ZHX3: variants seen among roughly 807,000 people sequenced by gnomAD.
ZHX3 encodes zinc fingers and homeoboxes protein 3.
ZHX3 carries 20 observed loss-of-function variants against 64.5 expected under a neutral mutation model. The observed-to-expected ratio is 0.31, with a 90% confidence interval of 0.22 to 0.45. The LOEUF (loss-of-function observed/expected upper bound fraction) is 0.45, where lower values mean the gene tolerates loss of function less well. Among genes scored for constraint, ZHX3 ranks in the 20% least tolerant of loss-of-function variants. ZHX3 has a pLI of 1.00. For missense variants in ZHX3, 1,041 were observed against 1,195.8 expected (o/e 0.87, Z 1.91); for synonymous variants, 423 against 461.6 (o/e 0.92, Z 1.07).
At chr20:41,188,152 T>A (rs1324234946) in intron 3 of ZHX3, among the ~76,000 whole-genome samples, 2 of 152,200 alleles carry the variant, frequency 1.3e-5, no homozygotes, top group Non-Finnish European at 2.9e-5. Flanking sequence ...AGCTGCCACA[T>A]ATGAGTAAGA....
At chr20:41,315,965 G>A (rs540094034) in intron 1 of ZHX3, among the ~76,000 whole-genome samples, 1 of 148,994 alleles carries the variant, frequency 6.7e-6, no homozygotes, top group African/African-American at 2.5e-5. Flanking sequence ...AAAGAAAAAA[G>A]CACTCCACCA....
intron 2 of ZHX3, among the ~76,000 whole-genome samples, chr20:41,260,477 A>C (rs2146561919): frequency 6.6e-6 from 1 of 152,294 alleles, no homozygotes; most frequent in South Asian, 2.1e-4. Context: ...TCCAGATGTC[A>C]CTTCTGGACC....
In ZHX3 at chr20:41,181,433, A is replaced by G. The variant is rs1239087708; in HGVS notation, c.*3758T>C. On this transcript the variant is annotated 3_prime_UTR_variant, in exon 4 of 4. Transcript: ENST00000683867. The stretch of plus-strand genomic sequence containing the variant: ...AATCCTAAACGAGGTTTGGTTTTAA[A>G]ATTTTCTTCTTGGCTGGCTCTCCTC... The G allele has an allele frequency of 6.6e-6, 1 of 152,198 alleles. No homozygotes were observed. The highest frequency in any genetic ancestry group is 1.5e-5 in the Non-Finnish European group (1 of 68,046). 9.4% of individuals were successfully genotyped at this position (152,198 alleles called of 1,614,324 possible). A position where few individuals can be genotyped will look rare whatever the true frequency, so the allele number is the denominator to read the frequency against.
rs201059065 is a variant in ZHX3 at position 41,202,687 on chromosome 20, G to A, written c.2230C>T (p.Pro744Ser). 2.5e-6 allele frequency: 4 copies of A among 1,614,116 alleles called. No individual in the cohort carries two copies. Among genetic ancestry groups the A allele is most frequent in the Non-Finnish European group, 3.4e-6 (4 of 1,180,026 alleles). The change falls in exon 3 of 4, where the codon CCA becomes TCA. Residue 744 changes from proline (P) to serine (S), a missense_variant. By Grantham distance (74) the Pro-to-Ser change is moderately conservative. Transcript: ENST00000683867. This position sits in a 1 kb window ranked among gnomAD's most constrained non-coding sequence, Gnocchi z 7.0. ...TCAGGGTCACAGGCACCCAGCCCTGGAATCTCGTTCCTGCCATTGGCTTCA... is the reference window on the plus strand; with the variant it reads ...TCAGGGTCACAGGCACCCAGCCCTGAAATCTCGTTCCTGCCATTGGCTTCA... The part of the protein sequence containing the change: ...VTEANGRNEI[P>S]GLGACDPEDD...
chr20:41,299,536 A>G (rs928294021), intron 1 of ZHX3, among the ~76,000 whole-genome samples: 1 of 152,202 alleles, frequency 6.6e-6, no homozygotes, highest in African/African-American at 2.4e-5. Context: ...AGACAAAAAG[A>G]AAAAATTCAA....
rs757327762 is a variant in ZHX3 at position 41,202,255 on chromosome 20, C to G, written c.2662G>C (p.Gly888Arg). The change falls in exon 3 of 4, where the codon GGG becomes CGG. Residue 888 changes from glycine (G) to arginine (R), a missense_variant. Physicochemically the swap from Gly to Arg is moderately radical, Grantham distance 125 (BLOSUM62 -2). Coordinates refer to ENST00000683867, the MANE Select transcript of ZHX3 (RefSeq NM_001384317.1). This position sits in a 1 kb window ranked among gnomAD's most constrained non-coding sequence, Gnocchi z 7.0. ...TCTGCCACGGCTCTGGTCTCCTCCC[C>G]CATTTTCTCAGCAAACCACTGCTTG... is the stretch of plus-strand genomic sequence containing the variant. ...QVKQWFAEKM[G>R]EETRAVADTG... is the part of the protein sequence containing the mutation. 11 of 1,614,048 alleles carry G rather than the reference C, an allele frequency of 6.8e-6. No homozygotes were observed. The East Asian group carries it at 1.6e-4, about 23-fold the overall frequency.
Position 41,187,229 on chromosome 20 carries a change from G to A in ZHX3, c.2861-2028C>T, listed in dbSNP as rs570775345. ...ACTTGTAATCCTAGCTACTCAGGAG[G>A]CTAAGGTGGGATGACTGCTTGAGCC... On this transcript the variant is annotated intron_variant, in intron 3 of 3. Transcript: ENST00000683867. Among the ~76,000 whole-genome samples, 72 of 150,864 alleles carry A rather than the reference G, an allele frequency of 4.8e-4. No individual in the cohort carries two copies. In the South Asian group the frequency reaches 6.1e-3, roughly 13 times the overall value.
intron 1 of ZHX3, among the ~76,000 whole-genome samples, chr20:41,282,106 A>G (rs184026354): frequency 2.1e-4 from 32 of 152,216 alleles, no homozygotes; most frequent in Middle Eastern, 3.4e-3. Context: ...GATGTCATTT[A>G]CCCCAAGATG....
chr20:41,240,189 G>A (rs2146442970), intron 2 of ZHX3, among the ~76,000 whole-genome samples: 1 of 152,142 alleles, frequency 6.6e-6, no homozygotes, highest in African/African-American at 2.4e-5. Context: ...AGTAGAGATG[G>A]GGGGTTTTGC....
In ZHX3 at chr20:41,185,198, G is replaced by C. The variant is rs1220899146; in HGVS notation, c.2864C>G (p.Thr955Arg). The C allele has an allele frequency of 1.2e-6, 2 of 1,607,384 alleles. No individual in the cohort carries two copies. The highest frequency in any genetic ancestry group is 1.3e-5 in the African/African-American group (1 of 74,926). The stretch of plus-strand genomic sequence containing the variant: ...ACATTAATCAGATCAAATTCAGTCT[G>C]TTTCTGAGAAGAAAACACATGCCTG... ...SSPQAGRQLE[T>R]D The change falls in exon 4 of 4, where the codon ACA becomes AGA. Residue 955 changes from threonine (T) to arginine (R), a missense_variant. Thr to Arg is a moderately conservative substitution (Grantham distance 71). This residue lies in a region of ZHX3 where 649 missense variants were observed against 739.8 expected (regional missense o/e 0.88). Coordinates refer to ENST00000683867, the MANE Select transcript of ZHX3 (RefSeq NM_001384317.1). The surrounding 1 kb of genome is among the most constrained non-coding windows in gnomAD (Gnocchi z 5.0).
chr20:41,198,584 A>C (rs1244691841), intron 3 of ZHX3, among the ~76,000 whole-genome samples: 1 of 151,848 alleles, frequency 6.6e-6, no homozygotes. Context: ...CTTGTCAAAA[A>C]TTCTGTGTGA....
Position 41,237,086 on chromosome 20 carries a change from T to G in ZHX3, c.-151+31904A>C, listed in dbSNP as rs376775434. ...AGATACCATCTCACACCAGTTAGAA[T>G]GGCAATCATTAAAAAGTCAGGAAAC... On this transcript the variant is annotated intron_variant, in intron 2 of 3. Transcript: ENST00000683867. Among the ~76,000 whole-genome samples the G allele has an allele frequency of 5.0e-4, 76 of 152,280 alleles. 1 individual carries two copies. The highest frequency in any genetic ancestry group is 4.8e-3 in the East Asian group (25 of 5,190).
rs1382705459 is a variant in ZHX3, at chr20:41,212,054, T to G, written c.-150-6988A>C. Among the ~76,000 whole-genome samples the G allele has an allele frequency of 6.6e-6, 1 of 152,084 alleles. No homozygotes were observed. The highest frequency in any genetic ancestry group is 6.6e-5 in the Admixed American group (1 of 15,264). On this transcript the variant is annotated intron_variant, in intron 2 of 3. Transcript: ENST00000683867. This position sits in a 1 kb window ranked among gnomAD's most constrained non-coding sequence, Gnocchi z 4.3. ...GAAAAAACAGATAAATTGGATGTCATCAAAATTAAAAACTTGCATTCTTCA... is the reference window on the plus strand; with the variant it reads ...GAAAAAACAGATAAATTGGATGTCAGCAAAATTAAAAACTTGCATTCTTCA...
At chr20:41,236,110 T>C (rs1243204843) in intron 2 of ZHX3, among the ~76,000 whole-genome samples, 1 of 151,952 alleles carries the variant, frequency 6.6e-6, no homozygotes, top group Admixed American at 6.6e-5. Context: ...CACTGCTCAA[T>C]GAAATAAAAG....
intron 1 of ZHX3, among the ~76,000 whole-genome samples, chr20:41,273,362 C>T (rs1013418881): frequency 1.3e-5 from 2 of 152,152 alleles, no homozygotes; most frequent in African/African-American, 4.8e-5. Context: ...AAAATTTTAA[C>T]ATTTGATGCC....
rs2038425153 is a variant in ZHX3, at chr20:41,203,474, C to T, written c.1443G>A (p.Thr481=). 3.7e-6 allele frequency: 6 copies of T among 1,614,148 alleles called. No individual in the cohort carries two copies. The highest frequency in any genetic ancestry group is 5.1e-6 in the Non-Finnish European group (6 of 1,180,008). The part of the protein sequence containing the change: ...KVVNAAQSLL[T]ACPSITSQAF... Reference sequence around the variant, plus strand: ...CTTGGGAGGTTATGCTGGGGCAGGCCGTGAGGAGCGACTGGGCCGCATTGA... The same window carrying T: ...CTTGGGAGGTTATGCTGGGGCAGGCTGTGAGGAGCGACTGGGCCGCATTGA... The change falls in exon 3 of 4, where the codon ACG becomes ACA. Residue 481 remains threonine (T), a synonymous_variant. Coordinates refer to ENST00000683867, the MANE Select transcript of ZHX3 (RefSeq NM_001384317.1). This position sits in a 1 kb window ranked among gnomAD's most constrained non-coding sequence, Gnocchi z 7.1.
At position 41,202,725 on chromosome 20, in the gene ZHX3, T is replaced by C. The variant is rs1200850879; in HGVS notation, c.2192A>G (p.Asn731Ser). Residue 731 changes from asparagine (N) to serine (S), a missense_variant, in exon 3 of 4, where the codon AAC (asparagine) becomes AGC (serine). Physicochemically the swap from Asn to Ser is conservative, Grantham distance 46 (BLOSUM62 1). Around this residue, in one of 4 missense-constraint regions of ZHX3, gnomAD observed 649 missense variants for 739.8 expected, o/e 0.88. Transcript: ENST00000683867. This position sits in a 1 kb window ranked among gnomAD's most constrained non-coding sequence, Gnocchi z 7.0. ...KVSPIKINLKNLRVTEANGRN... is the reference protein window; with the variant it reads ...KVSPIKINLKSLRVTEANGRN... ...GCCATTGGCTTCAGTGACCCTCAGG[T>C]TCTTCAGGTTGATTTTAATGGGGCT... The C allele has an allele frequency of 6.2e-7, 1 of 1,614,098 alleles. No individual in the cohort carries two copies. Among genetic ancestry groups the C allele is most frequent in the South Asian group, 1.1e-5 (1 of 91,078 alleles).
chr20:41,211,083 G>A (rs966161107), intron 2 of ZHX3, among the ~76,000 whole-genome samples: 2 of 151,838 alleles, frequency 1.3e-5, no homozygotes, highest in African/African-American at 4.8e-5. Flanking sequence ...AAAACCAATG[G>A]TTTTATATAT....
rs201358446 is a variant in ZHX3, at chr20:41,202,927, G to A, written c.1990C>T (p.Arg664Trp). ...REIDSWFSER[R>W]KKVNAEETKK... Reference sequence around the variant, plus strand: ...GTCTCCTCAGCATTCACTTTTTTCCGTCTCTCTGAAAACCAGCTATCAATT... The same window carrying A: ...GTCTCCTCAGCATTCACTTTTTTCCATCTCTCTGAAAACCAGCTATCAATT... Residue 664 changes from arginine (R) to tryptophan (W), a missense_variant, in exon 3 of 4, where the codon CGG (arginine) becomes TGG (tryptophan). Physicochemically the swap from Arg to Trp is moderately radical, Grantham distance 101. Around this residue, in one of 4 missense-constraint regions of ZHX3, gnomAD observed 649 missense variants for 739.8 expected, o/e 0.88. Transcript: ENST00000683867. The surrounding 1 kb of genome is among the most constrained non-coding windows in gnomAD (Gnocchi z 7.0). 2.5e-5 allele frequency: 41 copies of A among 1,613,860 alleles called. No individual in the cohort carries two copies. Among genetic ancestry groups the A allele is most frequent in the African/African-American group, 5.3e-5 (4 of 74,918 alleles).
Sources: allele counts gnomAD v4.1 joint callset (sites outside exome capture counted in the v4.1 genomes callset), GRCh38; gene constraint gnomAD v4.1.1; regional missense constraint gnomAD v4.1.1; non-coding constraint Gnocchi (gnomAD v3.1); transcripts MANE v1.5; gene names NCBI Gene and HGNC (gene_info 2026-07-23, HGNC 2026-07-21).